CYREN: variants seen among roughly 807,000 people sequenced by gnomAD.
CYREN encodes the protein cell cycle regulator of NHEJ.
Under a neutral mutation model 9.7 loss-of-function variants are expected in CYREN, and 7 were observed. The ratio of observed to expected loss-of-function variants is 0.72; its 90% confidence interval spans 0.41 to 1.36. CYREN has a LOEUF of 1.36. Among genes scored for constraint, CYREN ranks in the 40% most tolerant of loss-of-function variants. The pLI is 0.01. For missense variants in CYREN, 215 were observed against 198.1 expected (o/e 1.09, Z -0.51); for synonymous variants, 76 against 77.9 (o/e 0.98, Z 0.13).
chr7:135,126,802 A>G (rs1233636216), intron 2 of CYREN, among the ~76,000 whole-genome samples: 2 of 152,244 alleles, frequency 1.3e-5, no homozygotes, highest in African/African-American at 2.4e-5. Flanking sequence ...ATGCTGGGAA[A>G]ACTGGCTAGC....
At chr7:135,094,041 C>A in exon 3 of CYREN, 1 of 187,046 alleles carries the variant, frequency 5.3e-6, no homozygotes, top group South Asian at 9.8e-5. Flanking sequence ...AACTGGATAT[C>A]CACATGCAAA....
At chr7:135,116,822 T>TAAAAAA (rs1826386515) in intron 2 of CYREN, among the ~76,000 whole-genome samples, 9 of 152,214 alleles carry the variant, frequency 5.9e-5, no homozygotes, top group African/African-American at 9.7e-5. Flanking sequence ...ACATTTTCTA[T>TAAAAAA]ATCAGTAGGC....
chr7:135,115,643 A>G (rs1462646832), intron 2 of CYREN: 22 of 1,428,432 alleles, frequency 1.5e-5, no homozygotes, highest in Non-Finnish European at 2.0e-5. Context: ...ACTCTTATCT[A>G]TTTAACACAT....
intron 2 of CYREN, among the ~76,000 whole-genome samples, chr7:135,127,478 G>A (rs1258797630): frequency 2.0e-5 from 3 of 151,958 alleles, no homozygotes; most frequent in Admixed American, 1.3e-4. Context: ...GCTTGAACCC[G>A]GGAGGCGGAG....
At chr7:135,168,208 A>C (rs1830330533) in intron 2 of CYREN, 1 of 218,188 alleles carries the variant, frequency 4.6e-6, no homozygotes, top group African/African-American at 2.4e-5. Context: ...TCAGTCAGGA[A>C]ACCTTAGAGG....
downstream of CYREN, chr7:135,164,573 C>T (rs930393152): frequency 6.2e-7 from 1 of 1,614,124 alleles, no homozygotes; most frequent in African/African-American, 1.3e-5. Flanking sequence ...ACCTGCCCAA[C>T]CTGAGAATCG....
rs1225502793 is a variant in CYREN, at chr7:135,168,803, C to T, written c.120G>A (p.Val40=). The change falls in exon 2 of 4, where the codon GTG becomes GTA. Residue 40 remains valine, a synonymous_variant. Transcript: ENST00000393114. ...KAPKRMRMAA[V]PVAAARLPAT... is the part of the protein sequence containing the mutation. ...TGTCGCACCTTGCTGCTGCCACTGG[C>T]ACTGCTGCCATTCTCATCCTCTTGG... is the stretch of plus-strand genomic sequence containing the variant. The T allele has an allele frequency of 6.2e-7, 1 of 1,614,044 alleles. No homozygotes were observed. Among genetic ancestry groups the T allele is most frequent in the South Asian group, 1.1e-5 (1 of 91,072 alleles).
chr7:135,155,805 T>G (rs1040822353), intron 2 of CYREN, among the ~76,000 whole-genome samples: 5 of 152,210 alleles, frequency 3.3e-5, no homozygotes, highest in Non-Finnish European at 7.3e-5. Flanking sequence ...GAACTGTGAT[T>G]GCACTACTGT....
intron 2 of CYREN, among the ~76,000 whole-genome samples, chr7:135,142,334 TA>T (rs1829467392): frequency 6.6e-6 from 1 of 152,178 alleles, no homozygotes; most frequent in African/African-American, 2.4e-5. Context: ...ATGATTTTCT[TA>T]ATAGTTTCTT....
chr7:135,112,724 T>C (rs1825810848), intron 2 of CYREN, among the ~76,000 whole-genome samples: 1 of 152,244 alleles, frequency 6.6e-6, no homozygotes, highest in South Asian at 2.1e-4. Flanking sequence ...TTTTCACATC[T>C]ATTTACCAAA....
intron 2 of CYREN, among the ~76,000 whole-genome samples, chr7:135,145,620 G>C (rs770697775): frequency 2.0e-5 from 3 of 152,140 alleles, no homozygotes; most frequent in Non-Finnish European, 4.4e-5. Flanking sequence ...TTAAGCAATA[G>C]AAAACCAAGC....
At chr7:135,168,302 G>GCCCCTC (rs1830365900) in intron 2 of CYREN, 1 of 11,936 alleles carries the variant, frequency 8.4e-5, no homozygotes, top group East Asian at 3.6e-3. Flanking sequence ...CCCCCCCCCC[G>GCCCCTC]CCCCCCCCCG....
In CYREN at chr7:135,117,596, T is replaced by C. The variant is rs149186856; in HGVS notation, n.357-23014A>G. 1.3e-3 allele frequency among the ~76,000 whole-genome samples: 192 copies of C among 152,248 alleles called. 3 individuals are homozygous for C. Among genetic ancestry groups the C allele is most frequent in the African/African-American group, 4.5e-3 (189 of 41,544 alleles). ...TGTTGAGACAGTCAAACAAATGATATATAAAACAGAGAAGGTAGCCATAAA... is the reference window on the plus strand; with the variant it reads ...TGTTGAGACAGTCAAACAAATGATACATAAAACAGAGAAGGTAGCCATAAA... On this transcript the variant is annotated intron_variant and non_coding_transcript_variant, in intron 2 of 2. Transcript: ENST00000459937.
intron 2 of CYREN, among the ~76,000 whole-genome samples, chr7:135,160,448 T>A (rs527878316): frequency 6.6e-6 from 1 of 152,274 alleles, no homozygotes; most frequent in East Asian, 1.9e-4. Context: ...CATGGGGAAG[T>A]AGAGAAGAGT....
intron 2 of CYREN, among the ~76,000 whole-genome samples, chr7:135,099,693 C>T (rs1585107720): frequency 6.6e-6 from 1 of 152,032 alleles, no homozygotes. Context: ...ATAACCATTG[C>T]TAATCAGATG....
chr7:135,169,410 T>C (rs1830485869), intron 1 of CYREN: 2 of 152,600 alleles, frequency 1.3e-5, no homozygotes, highest in African/African-American at 4.8e-5. Flanking sequence ...GCCCATTCAA[T>C]CCCTAAAATA....
chr7:135,171,785 T>TGTGGAGCCCC (rs145594837), upstream of CYREN, among the ~76,000 whole-genome samples: 73,042 of 151,816 alleles, frequency 0.48, 17,886 homozygotes, highest in South Asian at 0.65. Flanking sequence ...TGACAAGCCC[T>TGTGGAGCCCC]GTGGAGCGTC....
chr7:135,133,191 G>A (rs1003156849), intron 2 of CYREN, among the ~76,000 whole-genome samples: 14 of 152,012 alleles, frequency 9.2e-5, no homozygotes, highest in Admixed American at 8.5e-4. Context: ...ATGAACATGT[G>A]AACACCAAAA....
intron 2 of CYREN, among the ~76,000 whole-genome samples, chr7:135,103,298 TAG>T (rs1172792807): frequency 5.3e-5 from 8 of 152,200 alleles, no homozygotes; most frequent in Admixed American, 4.6e-4. Context: ...AGCTGAGTGA[TAG>T]GTTTAAGAGG....
Sources: allele counts gnomAD v4.1 joint callset (sites outside exome capture counted in the v4.1 genomes callset), GRCh38; gene constraint gnomAD v4.1.1; transcripts MANE v1.5; gene names NCBI Gene and HGNC (gene_info 2026-07-23, HGNC 2026-07-21).